GPAT4: variants seen among roughly 807,000 people sequenced by gnomAD.
GPAT4 encodes glycerol-3-phosphate acyltransferase 4.
GPAT4 carries 17 observed loss-of-function variants against 58.0 expected under a neutral mutation model. The observed-to-expected ratio is 0.29, with a 90% confidence interval of 0.20 to 0.44. The LOEUF (loss-of-function observed/expected upper bound fraction) is 0.44. Among genes scored for constraint, GPAT4 ranks in the 20% least tolerant of loss-of-function variants. The pLI is 1.00. For synonymous variants in GPAT4, 204 were observed against 210.1 expected (o/e 0.97, Z 0.25); for missense variants, 377 against 574.5 (o/e 0.66, Z 3.51).
At chr8:41,601,619 G>C (rs1461521478) in intron 2 of GPAT4, among the ~76,000 whole-genome samples, 1 of 152,168 alleles carries the variant, frequency 6.6e-6, no homozygotes, top group Non-Finnish European at 1.5e-5. Flanking sequence ...ATTATTAAAA[G>C]GTAGAAGTAA....
At chr8:41,597,943 C>T (rs781191577) in intron 1 of GPAT4, among the ~76,000 whole-genome samples, 14 of 152,194 alleles carry the variant, frequency 9.2e-5, no homozygotes, top group African/African-American at 2.4e-4. Flanking sequence ...TGCATCTGTG[C>T]GGAACCACTC....
intron 10 of GPAT4, among the ~76,000 whole-genome samples, chr8:41,615,285 A>G (rs1437008529): frequency 1.3e-5 from 2 of 152,204 alleles, no homozygotes; most frequent in Non-Finnish European, 2.9e-5. Context: ...TCCCGCCTGC[A>G]TGCTGCTGCC....
At chr8:41,614,254 A>G in intron 8 of GPAT4, 132 bp from the exon 9 acceptor site, 1 of 719,322 alleles carries the variant, frequency 1.4e-6, no homozygotes, top group African/African-American at 1.8e-5. Context: ...TATGGGTTTA[A>G]AAGGATACAG....
In GPAT4 at chr8:41,621,719, CGGG is replaced by C; in HGVS notation, c.*722_*724del. ...CGGTTTCCCCATCTGTAATATGAGT[CGGG>C]GGGAATGGTGGTGATTCCTACCTCA... is the stretch of plus-strand genomic sequence containing the variant. On this transcript the variant is annotated 3_prime_UTR_variant, in exon 13 of 13. Coordinates refer to ENST00000396987, the MANE Select transcript of GPAT4 (RefSeq NM_178819.4). The C allele has an allele frequency of 6.6e-6, 1 of 152,336 alleles. No individual in the cohort carries two copies. The highest frequency in any genetic ancestry group is 3.4e-3 in the Middle Eastern group (1 of 294). 9.4% of individuals were successfully genotyped at this position (152,336 alleles called of 1,614,324 possible). A position where few individuals can be genotyped will look rare whatever the true frequency, so the allele number is the denominator to read the frequency against.
intron 1 of GPAT4, among the ~76,000 whole-genome samples, chr8:41,588,420 A>G (rs1460508016): frequency 2.0e-5 from 3 of 151,840 alleles, no homozygotes; most frequent in East Asian, 1.9e-4. Flanking sequence ...GAGAATTGGT[A>G]TAGATGCCTT....
chr8:41,605,214 C>T lies in GPAT4; in HGVS notation c.166-4202C>T, dbSNP rs565050090. 6.6e-5 allele frequency among the ~76,000 whole-genome samples: 10 copies of T among 152,302 alleles called. No homozygotes were observed. In the East Asian group the frequency reaches 1.7e-3, roughly 26 times the overall value. ...GCACATAGGGGTAAGTTCTGGCTGCCGCCTCTTGAGGTTTGTGTAGTCTAG... is the reference window on the plus strand; with the variant it reads ...GCACATAGGGGTAAGTTCTGGCTGCTGCCTCTTGAGGTTTGTGTAGTCTAG... On this transcript the variant is annotated intron_variant, in intron 2 of 12. Coordinates refer to ENST00000396987, the MANE Select transcript of GPAT4 (RefSeq NM_178819.4).
chr8:41,618,140 A>C (rs1010468008), intron 10 of GPAT4, among the ~76,000 whole-genome samples: 1 of 152,220 alleles, frequency 6.6e-6, no homozygotes, highest in African/African-American at 2.4e-5. Context: ...CTTTGTTGGA[A>C]GTGTAAATGT....
intron 10 of GPAT4, among the ~76,000 whole-genome samples, chr8:41,617,627 A>G (rs978904803): frequency 2.0e-5 from 3 of 152,342 alleles, no homozygotes; most frequent in South Asian, 2.1e-4. Flanking sequence ...GGAAAGGCCT[A>G]TAAGATCATA....
intron 1 of GPAT4, among the ~76,000 whole-genome samples, chr8:41,594,467 C>T (rs539619959): frequency 6.6e-6 from 1 of 151,500 alleles, no homozygotes; most frequent in Non-Finnish European, 1.5e-5. Flanking sequence ...GCATAAATTC[C>T]TTTTTTTAAT....
intron 1 of GPAT4, among the ~76,000 whole-genome samples, chr8:41,596,559 G>A (rs1256429427): frequency 6.6e-6 from 1 of 152,232 alleles, no homozygotes; most frequent in African/African-American, 2.4e-5. Context: ...CAGCCACTGC[G>A]TTGATCCTCT....
intron 1 of GPAT4, among the ~76,000 whole-genome samples, chr8:41,585,349 G>T (rs1045473259): frequency 2.0e-5 from 3 of 152,114 alleles, no homozygotes; most frequent in African/African-American, 7.2e-5. Flanking sequence ...ACATCAGATG[G>T]GCGTGTTAGT....
At chr8:41,611,292 G>C (rs1185545950) in intron 5 of GPAT4, among the ~76,000 whole-genome samples, 1 of 152,082 alleles carries the variant, frequency 6.6e-6, no homozygotes, top group Non-Finnish European at 1.5e-5. Context: ...TTTAAATTTT[G>C]ATCTATGACT....
Position 41,609,648 on chromosome 8 carries a change from T to G in GPAT4, c.236-7T>G. 1.2e-6 allele frequency: 2 copies of G among 1,610,016 alleles called. No homozygotes were observed. The highest frequency in any genetic ancestry group is 1.7e-6 in the Non-Finnish European group (2 of 1,177,194). On this transcript the variant is annotated splice_region_variant and splice_polypyrimidine_tract_variant and intron_variant, in intron 3 of 12. Transcript: ENST00000396987. Reference sequence around the variant, plus strand: ...GTGCTGCTTGACAGGGACACATTCTTTTGCAGGAATCATTGCAAAGGATCC... The same window carrying G: ...GTGCTGCTTGACAGGGACACATTCTGTTGCAGGAATCATTGCAAAGGATCC...
intron 2 of GPAT4, among the ~76,000 whole-genome samples, chr8:41,604,343 G>A (rs2150496704): frequency 6.6e-6 from 1 of 152,318 alleles, no homozygotes; most frequent in South Asian, 2.1e-4. Context: ...TACCTGCCAA[G>A]GGAGGAGGAA....
chr8:41,598,158 A>G (rs1237538392), intron 1 of GPAT4, 134 bp from the exon 2 acceptor site: 1 of 152,152 alleles, frequency 6.6e-6, no homozygotes, highest in Non-Finnish European at 1.5e-5. Context: ...TTTGACCTTG[A>G]TGACTTGAGA....
intron 1 of GPAT4, among the ~76,000 whole-genome samples, chr8:41,586,497 TC>T (rs1325759259): frequency 6.6e-6 from 1 of 152,222 alleles, no homozygotes; most frequent in African/African-American, 2.4e-5. Flanking sequence ...TGTCTTACAT[TC>T]CCACCACCAA....
intron 4 of GPAT4, 156 bp downstream of exon 4, chr8:41,610,111 A>G (rs1803399318): frequency 6.9e-7 from 1 of 1,445,020 alleles, no homozygotes; most frequent in Non-Finnish European, 9.1e-7. Flanking sequence ...TACACTGGTG[A>G]TTCTCCTTTA....
chr8:41,590,699 A>G (rs1802766839), intron 1 of GPAT4, among the ~76,000 whole-genome samples: 1 of 152,218 alleles, frequency 6.6e-6, no homozygotes, highest in Non-Finnish European at 1.5e-5. Flanking sequence ...AGGAAATGTA[A>G]GAAGTGGCCA....
chr8:41,620,390 CTTTTT>C (rs1177038295), intron 12 of GPAT4, among the ~76,000 whole-genome samples: 1 of 152,174 alleles, frequency 6.6e-6, no homozygotes, highest in South Asian at 2.1e-4. Flanking sequence ...TGACGGCACT[CTTTTT>C]TTGAGCATGG....
Sources: allele counts gnomAD v4.1 joint callset (sites outside exome capture counted in the v4.1 genomes callset), GRCh38; gene constraint gnomAD v4.1.1; transcripts MANE v1.5; gene names NCBI Gene and HGNC (gene_info 2026-07-23, HGNC 2026-07-21).